PNPT1: variants seen among roughly 807,000 people sequenced by gnomAD.
PNPT1 encodes the protein polyribonucleotide nucleotidyltransferase 1, mitochondrial.
A neutral mutation model predicts 119.5 loss-of-function variants in PNPT1; 53 were observed. The observed-to-expected ratio is 0.44, with a 90% CI of 0.36 to 0.56. PNPT1 has a LOEUF of 0.56. Ranked by LOEUF, PNPT1 falls within the 20% of genes least tolerant of loss-of-function variation. The pLI, the probability that PNPT1 is intolerant of heterozygous loss-of-function variation, is 0.00. For missense variants in PNPT1, 948 were observed against 938.5 expected (o/e 1.01, Z -0.13); for synonymous variants, 357 against 322.1 (o/e 1.11, Z -1.16).
chr2:55,666,241 T>C (rs1251297685), intron 13 of PNPT1, among the ~76,000 whole-genome samples: 2 of 152,186 alleles, frequency 1.3e-5, no homozygotes, highest in Non-Finnish European at 2.9e-5. Flanking sequence ...AGGTAACTGA[T>C]ATGTTCATTA....
In PNPT1 at chr2:55,656,220, C is replaced by T. The variant is rs1473590326; in HGVS notation, c.1352G>A (p.Gly451Asp). 1 of 1,612,928 alleles carries T rather than the reference C, an allele frequency of 6.2e-7. No individual in the cohort carries two copies. The highest frequency in any genetic ancestry group is 1.1e-5 in the South Asian group (1 of 90,916). The part of the protein sequence containing the change: ...TGLNRRELGH[G>D]ALAEKALYPV... ...ATACAAAGCTTTCTCAGCAAGAGCA[C>T]CTAAATTAGAATAGAAAACAATAAG... Residue 451 changes from glycine to aspartate, a missense_variant and splice_region_variant, in exon 17 of 28, where the codon GGT becomes GAT. By Grantham distance (94) the Gly-to-Asp change is moderately conservative. Coordinates refer to ENST00000447944, the MANE Select transcript of PNPT1 (RefSeq NM_033109.5).
At chr2:55,636,590 C>A (rs1181257358) in intron 27 of PNPT1, among the ~76,000 whole-genome samples, 198 bp from the exon 28 acceptor site, 1 of 152,158 alleles carries the variant, frequency 6.6e-6, no homozygotes, top group East Asian at 1.9e-4. Context: ...AGAGACGGGG[C>A]AGTTAGTTGT....
intron 2 of PNPT1, among the ~76,000 whole-genome samples, chr2:55,687,206 T>C (rs1399104340): frequency 1.6e-5 from 1 of 63,798 alleles, no homozygotes; most frequent in African/African-American, 7.3e-5. Flanking sequence ...AGAGTGAGAC[T>C]CCATCTCAAA....
At position 55,667,943 on chromosome 2, in the gene PNPT1, G is replaced by C. The variant is rs1273078390; in HGVS notation, c.992C>G (p.Ala331Gly). 5.1e-6 allele frequency: 8 copies of C among 1,577,338 alleles called. No homozygotes were observed. In the African/African-American group the frequency reaches 1.1e-4, roughly 22 times the overall value. The change falls in exon 12 of 28, where the codon GCC becomes GGC. Residue 331 changes from alanine (A) to glycine (G), a missense_variant. Transcript: ENST00000447944. ...GGATTCTATTATTTCATATGGATCG[G>C]CTTCTGGAAATTTTTCTATAGAAAA... ...EEQLKEKFPE[A>G]DPYEIIESFN...
At chr2:55,671,420 A>T in intron 10 of PNPT1, 44 bp from the exon 11 acceptor site, 1 of 1,167,284 alleles carries the variant, frequency 8.6e-7, no homozygotes, top group Non-Finnish European at 1.2e-6. Flanking sequence ...ACATGACAAC[A>T]TTTAATATTT....
chr2:55,645,425 T>C lies in PNPT1; in HGVS notation c.1746A>G (p.Lys582=), dbSNP rs1406046584. Residue 582 remains lysine, a synonymous_variant, in exon 22 of 28, where the codon AAA becomes AAG. Coordinates refer to ENST00000447944, the MANE Select transcript of PNPT1 (RefSeq NM_033109.5). The part of the protein sequence containing the change: ...MEAIQQASVA[K]KEILQIMNKT... ...TGTTCATGATCTGTAATATCTCCTT[T>C]TTTGCCACTAGAAGAGAAAAACACA... The C allele has an allele frequency of 1.2e-6, 2 of 1,607,586 alleles. No individual in the cohort carries two copies. The highest frequency in any genetic ancestry group is 1.7e-6 in the Non-Finnish European group (2 of 1,175,602).
intron 5 of PNPT1, among the ~76,000 whole-genome samples, chr2:55,683,108 T>C (rs968423755): frequency 1.3e-5 from 2 of 152,210 alleles, no homozygotes; most frequent in Non-Finnish European, 2.9e-5. Flanking sequence ...GCAATAAAAT[T>C]AGGTAATAAA....
At chr2:55,670,553 T>G (rs549419023) in intron 11 of PNPT1, among the ~76,000 whole-genome samples, 56 of 152,344 alleles carry the variant, frequency 3.7e-4, no homozygotes, top group Admixed American at 1.2e-3. Context: ...ACCTAAGTTC[T>G]GTATCTTATG....
chr2:55,688,048 CTT>C (rs766988624), intron 1 of PNPT1, among the ~76,000 whole-genome samples: 19 of 141,588 alleles, frequency 1.3e-4, no homozygotes, highest in Admixed American at 2.8e-4. Context: ...TTTTTCTTTT[CTT>C]TTTTTTTTTT....
intron 13 of PNPT1, among the ~76,000 whole-genome samples, chr2:55,666,189 G>A (rs572853067): frequency 9.2e-5 from 14 of 152,176 alleles, no homozygotes; most frequent in African/African-American, 1.4e-4. Flanking sequence ...GAGGTGGGGG[G>A]CAGGAAGAAG....
rs549381852 is a variant in PNPT1, at chr2:55,659,505, G to A, written c.1284+652C>T. 6.0e-5 allele frequency among the ~76,000 whole-genome samples: 9 copies of A among 149,598 alleles called. No homozygotes were observed. The East Asian group carries it at 7.8e-4, about 13-fold the overall frequency. ...AAAACTCTACTTTTGTTTGACAGAC[G>A]TGTATACAGGCATGACTTTTTTTTT... On this transcript the variant is annotated intron_variant, in intron 15 of 27. Coordinates refer to ENST00000447944, the MANE Select transcript of PNPT1 (RefSeq NM_033109.5).
In PNPT1 at chr2:55,656,134, T is replaced by C; in HGVS notation, c.1438A>G (p.Asn480Asp). 6.2e-7 allele frequency: 1 copy of C among 1,612,412 alleles called. No homozygotes were observed. The highest frequency in any genetic ancestry group is 1.1e-5 in the South Asian group (1 of 90,780). ...AAGAAGTATTTCAATACCATACCAT[T>C]TGACTCTAGGACTTCAGATGTAACT... ...IRVTSEVLES[N>D]GSSSMASACG... is the part of the protein sequence containing the mutation. The change falls in exon 17 of 28, where the codon AAT becomes GAT. Residue 480 changes from asparagine (N) to aspartate (D), a missense_variant. Physicochemically the swap from Asn to Asp is conservative, Grantham distance 23 (BLOSUM62 1). Transcript: ENST00000447944.
chr2:55,670,190 T>C (rs1696865213), intron 11 of PNPT1, among the ~76,000 whole-genome samples: 2 of 151,786 alleles, frequency 1.3e-5, no homozygotes, highest in African/African-American at 2.4e-5. Context: ...TTTTTATTTA[T>C]TTATTTATTT....
intron 13 of PNPT1, among the ~76,000 whole-genome samples, chr2:55,663,839 C>T (rs990808729): frequency 2.6e-5 from 4 of 151,836 alleles, no homozygotes; most frequent in African/African-American, 7.3e-5. Context: ...AAAAATTAGC[C>T]GGGCGTGGTG....
intron 8 of PNPT1, among the ~76,000 whole-genome samples, chr2:55,677,497 G>A (rs947114310): frequency 1.9e-4 from 28 of 148,586 alleles, no homozygotes; most frequent in African/African-American, 6.7e-4. Context: ...GGGAGACTGA[G>A]GCAGGAGAAT....
intron 5 of PNPT1, 143 bp from the exon 6 acceptor site, chr2:55,681,061 T>A: frequency 1.5e-6 from 1 of 663,074 alleles, no homozygotes; most frequent in Non-Finnish European, 2.6e-6. Flanking sequence ...ACGAAATGCT[T>A]GACATTGGAT....
At position 55,680,905 on chromosome 2, in the gene PNPT1, A is replaced by T. The variant is rs554911413; in HGVS notation, c.467T>A (p.Leu156Gln). 6.2e-7 allele frequency: 1 copy of T among 1,613,944 alleles called. No homozygotes were observed. The highest frequency in any genetic ancestry group is 1.3e-5 in the African/African-American group (1 of 75,062). The part of the protein sequence containing the change: ...YFYDTQVLCN[L>Q]LAVDGVNEPD... ...CTCATTTACACCATCTACTGCTAAC[A>T]GATTACACAGAACCTGGTAAAAGGG... Residue 156 changes from leucine to glutamine, a missense_variant, in exon 6 of 28, where the codon CTG (leucine) becomes CAG (glutamine). Leu to Gln is a moderately radical substitution (Grantham distance 113, BLOSUM62 -2). Coordinates refer to ENST00000447944, the MANE Select transcript of PNPT1 (RefSeq NM_033109.5).
At chr2:55,656,062 T>G in intron 17 of PNPT1, 69 bp downstream of exon 17, 1 of 1,529,864 alleles carries the variant, frequency 6.5e-7, no homozygotes. Context: ...AACATTACAT[T>G]TGAAAACTTA....
chr2:55,680,082 C>T (rs1014887788), intron 7 of PNPT1, among the ~76,000 whole-genome samples: 1 of 152,214 alleles, frequency 6.6e-6, no homozygotes, highest in African/African-American at 2.4e-5. Flanking sequence ...AAATGCTTAA[C>T]ACTAGATCCT....
Sources: allele counts gnomAD v4.1 joint callset (sites outside exome capture counted in the v4.1 genomes callset), GRCh38; gene constraint gnomAD v4.1.1; transcripts MANE v1.5; gene names NCBI Gene and HGNC (gene_info 2026-07-23, HGNC 2026-07-21).